ZNF518A: variants seen among roughly 807,000 people sequenced by gnomAD.
ZNF518A encodes zinc finger protein 518.
A neutral mutation model predicts 102.7 loss-of-function variants in ZNF518A; 47 were observed. The ratio of observed to expected loss-of-function variants is 0.46; its 90% confidence interval spans 0.36 to 0.58. ZNF518A has a LOEUF of 0.58. Among genes scored for constraint, ZNF518A ranks in the 20% least tolerant of loss-of-function variants. The probability of loss-of-function intolerance (pLI) is 0.00; values close to 1 mark genes in which losing one functional copy is unlikely to be tolerated. For missense variants in ZNF518A, 1,793 were observed against 1,699.8 expected (o/e 1.05, Z -0.96); for synonymous variants, 652 against 594.6 (o/e 1.10, Z -1.40).
In ZNF518A at chr10:96,158,156, A is replaced by G. The variant is rs189424686; in HGVS notation, c.1834A>G (p.Ser612Gly). 50 of 1,613,618 alleles carry G rather than the reference A, an allele frequency of 3.1e-5. No homozygotes were observed. The African/African-American group carries it at 4.4e-4, about 14-fold the overall frequency. ...NCVAKPNAYNSGDMHNYCINY... is the reference protein window; with the variant it reads ...NCVAKPNAYNGGDMHNYCINY... The stretch of plus-strand genomic sequence containing the variant: ...TGTTGCCAAACCAAATGCATACAAC[A>G]GTGGAGATATGCATAATTATTGCAT... Residue 612 changes from serine to glycine, a missense_variant, in exon 6 of 6, where the codon AGT (serine) becomes GGT (glycine). Physicochemically the swap from Ser to Gly is moderately conservative, Grantham distance 56. Coordinates refer to ENST00000316045, the MANE Select transcript of ZNF518A (RefSeq NM_001330736.2).
intron 1 of ZNF518A, among the ~76,000 whole-genome samples, chr10:96,188,552 C>T (rs1321180488): frequency 1.3e-5 from 2 of 152,052 alleles, no homozygotes; most frequent in African/African-American, 2.4e-5. Flanking sequence ...AAAATAATTC[C>T]GTGTAACACT....
At chr10:96,131,470 C>G (rs782608015) in intron 1 of ZNF518A, among the ~76,000 whole-genome samples, 1 of 152,106 alleles carries the variant, frequency 6.6e-6, no homozygotes, top group Non-Finnish European at 1.5e-5. Flanking sequence ...TCTGTTAACA[C>G]TTTGAGGGTG....
In ZNF518A at chr10:96,162,906, A is replaced by T. The variant is rs1369767525; in HGVS notation, c.*2132A>T. ...GATGATATATTGTTTAAGAAAGGTAACATATACCATAATTTTACTATGGTT... is the reference window on the plus strand; with the variant it reads ...GATGATATATTGTTTAAGAAAGGTATCATATACCATAATTTTACTATGGTT... On this transcript the variant is annotated 3_prime_UTR_variant, in exon 6 of 6. Transcript: ENST00000316045. 6.0e-6 allele frequency: 1 copy of T among 166,972 alleles called. No homozygotes were observed. The highest frequency in any genetic ancestry group is 1.5e-5 in the Non-Finnish European group (1 of 68,026). The allele number at this position is 166,972 out of a possible 1,614,324, so 10.3% of individuals were successfully genotyped here. A position where few individuals can be genotyped will look rare whatever the true frequency, so the allele number is the denominator to read the frequency against.
chr10:96,143,906 A>G (rs926813784), intron 3 of ZNF518A, among the ~76,000 whole-genome samples: 3 of 152,222 alleles, frequency 2.0e-5, no homozygotes, highest in Admixed American at 6.5e-5. Context: ...ACATATGCTT[A>G]TAAGATCTTT....
intron 3 of ZNF518A, among the ~76,000 whole-genome samples, chr10:96,149,212 G>C (rs2082316568): frequency 6.6e-6 from 1 of 152,166 alleles, no homozygotes; most frequent in Non-Finnish European, 1.5e-5. Flanking sequence ...TACTTACCTT[G>C]TCATGGACTG....
At chr10:96,143,728 T>C (rs1056788088) in intron 3 of ZNF518A, among the ~76,000 whole-genome samples, 5 of 152,190 alleles carry the variant, frequency 3.3e-5, no homozygotes, top group African/African-American at 2.4e-5. Context: ...GTGGTGACAT[T>C]GCCCTCTTGG....
chr10:96,191,254 T>TA lies in ZNF518A; in HGVS notation n.36-12319dup, dbSNP rs1554893322. Among the ~76,000 whole-genome samples, 3 of 148,018 alleles carry TA rather than the reference T, an allele frequency of 2.0e-5. No individual in the cohort carries two copies. In the East Asian group the frequency reaches 5.8e-4, roughly 29 times the overall value. On this transcript the variant is annotated intron_variant and non_coding_transcript_variant, in intron 1 of 2. Transcript: ENST00000442635. The stretch of plus-strand genomic sequence containing the variant: ...AAACCTCTTTTTTTTTTTTTTTTTT[T>TA]ATGTAAATCACCCAGTCTTGAGTAT...
At position 96,130,330 on chromosome 10, in the gene ZNF518A, GT is replaced by G. The variant is rs34537121; in HGVS notation, c.-868del. Among the ~76,000 whole-genome samples, 1 of 152,194 alleles carries G rather than the reference GT, an allele frequency of 6.6e-6. No individual in the cohort carries two copies. Among genetic ancestry groups the G allele is most frequent in the Admixed American group, 6.5e-5 (1 of 15,286 alleles). On this transcript the variant is annotated 5_prime_UTR_variant, in exon 1 of 6. Transcript: ENST00000316045. ...GCAAAGTTTTTCTGGAGAAGTCGGG[GT>G]TTTTTTGCCGAGCGCTTTTGCCGAC...
rs1393007471 is a variant in ZNF518A, at chr10:96,162,046, G to A, written c.*1272G>A. 6.0e-6 allele frequency: 1 copy of A among 166,922 alleles called. No individual in the cohort carries two copies. The highest frequency in any genetic ancestry group is 2.4e-5 in the African/African-American group (1 of 41,440). 10.3% of individuals were successfully genotyped at this position (166,922 alleles called of 1,614,324 possible). A position where few individuals can be genotyped will look rare whatever the true frequency, so the allele number is the denominator to read the frequency against. ...TGGTTCTTTGGATAATGGAGTTCTT[G>A]TGTTAACAAATTACGTGCTATATGA... On this transcript the variant is annotated 3_prime_UTR_variant, in exon 6 of 6. Coordinates refer to ENST00000316045, the MANE Select transcript of ZNF518A (RefSeq NM_001330736.2).
intron 1 of ZNF518A, among the ~76,000 whole-genome samples, chr10:96,195,911 G>A (rs2083453965): frequency 6.6e-6 from 1 of 152,176 alleles, no homozygotes; most frequent in African/African-American, 2.4e-5. Context: ...AATCAATTCA[G>A]TTGCTTAATA....
At chr10:96,197,913 C>CAA (rs587730449) in intron 1 of ZNF518A, among the ~76,000 whole-genome samples, 29,663 of 128,086 alleles carry the variant, frequency 0.23, 4,019 homozygotes, top group Middle Eastern at 0.36. Flanking sequence ...GAGACAACAT[C>CAA]AAAAAAAAAA....
At chr10:96,154,674 T>G (rs782690128) in intron 3 of ZNF518A, among the ~76,000 whole-genome samples, 53 of 152,254 alleles carry the variant, frequency 3.5e-4, no homozygotes, top group African/African-American at 1.3e-3. Context: ...TCCTGACAGT[T>G]CCAGTTACTT....
downstream of ZNF518A, chr10:96,163,876 G>A (rs1358398536): frequency 2.4e-5 from 4 of 165,904 alleles, no homozygotes; most frequent in East Asian, 1.9e-4. Flanking sequence ...GATAAGTTTC[G>A]TGATGTACCT....
intron 3 of ZNF518A, among the ~76,000 whole-genome samples, chr10:96,153,706 G>A (rs587776042): frequency 9.9e-5 from 15 of 152,192 alleles, no homozygotes; most frequent in African/African-American, 3.6e-4. Flanking sequence ...TGTTCCCAAT[G>A]AAGCTTTTGA....
rs182508238 is a variant in ZNF518A at position 96,182,127 on chromosome 10, G to T, written n.36-21447G>T. ...GTGAATGGGAGTTCACTCATGATTT[G>T]CCTGTCTGTTATTGGTGTATAGGAA... On this transcript the variant is annotated intron_variant and non_coding_transcript_variant, in intron 1 of 2. Transcript: ENST00000442635. 1.8e-3 allele frequency among the ~76,000 whole-genome samples: 280 copies of T among 152,146 alleles called. 1 individual carries two copies. Among genetic ancestry groups the T allele is most frequent in the African/African-American group, 6.1e-3 (255 of 41,506 alleles).
At chr10:96,130,056 A>T (rs1433783947), upstream of ZNF518A, 1 of 152,814 alleles carries the variant, frequency 6.5e-6, no homozygotes, top group Non-Finnish European at 1.5e-5. Context: ...GCTTTTCGGC[A>T]ATACCCGGAT....
Position 96,155,933 on chromosome 10 carries a change from C to CT in ZNF518A, c.-240dup, listed in dbSNP as rs1453787470. On this transcript the variant is annotated 5_prime_UTR_variant, in exon 5 of 6. It introduces an in-frame stop codon into an upstream open reading frame of the 5' UTR. Coordinates refer to ENST00000316045, the MANE Select transcript of ZNF518A (RefSeq NM_001330736.2). ...CTGTGGTTTTCTTTAGATGAGGAAA[C>CT]TGAGGTCCAGAGAAGTTGAAGTTTT... 1.3e-5 allele frequency: 2 copies of CT among 153,702 alleles called. No individual in the cohort carries two copies. Among genetic ancestry groups the CT allele is most frequent in the African/African-American group, 4.8e-5 (2 of 41,466 alleles). The allele number at this position is 153,702 out of a possible 1,614,324, so 9.5% of individuals were successfully genotyped here.
chr10:96,199,029 A>G (rs1224113080), intron 1 of ZNF518A, among the ~76,000 whole-genome samples: 2 of 152,216 alleles, frequency 1.3e-5, no homozygotes, highest in African/African-American at 2.4e-5. Context: ...AAAGGAACTC[A>G]GGGAATAATG....
intron 1 of ZNF518A, among the ~76,000 whole-genome samples, chr10:96,185,759 C>T (rs909464502): frequency 6.6e-6 from 1 of 152,282 alleles, no homozygotes; most frequent in Non-Finnish European, 1.5e-5. Context: ...TTAGGCTACA[C>T]AGGGGAGGAC....
Sources: allele counts gnomAD v4.1 joint callset (sites outside exome capture counted in the v4.1 genomes callset), GRCh38; gene constraint gnomAD v4.1.1; transcripts MANE v1.5; gene names NCBI Gene and HGNC (gene_info 2026-07-23, HGNC 2026-07-21).